Variants in NTRK3 observed in about 807,000 individuals in gnomAD.
NTRK3 encodes NT-3 growth factor receptor.
Under a neutral mutation model 91.7 loss-of-function variants are expected in NTRK3, and 24 were observed. The ratio of observed to expected loss-of-function variants is 0.26; its 90% CI spans 0.19 to 0.37. The LOEUF (loss-of-function observed/expected upper bound fraction) is 0.37, where lower values mean the gene tolerates loss of function less well. Among genes scored for constraint, NTRK3 ranks in the 10% least tolerant of loss-of-function variants. NTRK3 has a pLI of 1.00. For synonymous variants in NTRK3, 483 were observed against 404.0 expected, an observed-to-expected ratio of 1.20 and a Z score of -2.34; for missense variants, 880 against 1,068.9, an observed-to-expected ratio of 0.82 and a Z score of 2.46.
intron 14 of NTRK3, among the ~76,000 whole-genome samples, chr15:88,002,242 C>T (rs2076162210): frequency 7.1e-6 from 1 of 139,870 alleles, no homozygotes; most frequent in Admixed American, 7.4e-5. Context: ...TTTCTCAACT[C>T]CTCAAGCTAT....
chr15:87,999,263 T>C (rs1026807374), intron 14 of NTRK3, among the ~76,000 whole-genome samples: 1 of 152,212 alleles, frequency 6.6e-6, no homozygotes, highest in Admixed American at 6.5e-5. Flanking sequence ...ATGGAAAAGA[T>C]ATTCTTCCTC....
At chr15:88,139,856 C>T (rs927005171) in intron 6 of NTRK3, among the ~76,000 whole-genome samples, 3 of 131,460 alleles carry the variant, frequency 2.3e-5, no homozygotes, top group African/African-American at 8.6e-5. Context: ...AAGAGAGAAG[C>T]AGAGAGGAGC....
chr15:88,183,280 G>T (rs1326858027), intron 5 of NTRK3, 138 bp downstream of exon 5: 2 of 793,096 alleles, frequency 2.5e-6, no homozygotes, highest in Non-Finnish European at 2.2e-6. Context: ...AGGCAAAATT[G>T]GAAGCCCAAT....
intron 14 of NTRK3, among the ~76,000 whole-genome samples, chr15:87,957,778 C>G (rs923188602): frequency 1.3e-5 from 2 of 152,184 alleles, no homozygotes; most frequent in African/African-American, 4.8e-5. Context: ...TAAGCTTCTA[C>G]CAGTTCTTTG....
chr15:88,066,568 A>G (rs751253780), intron 13 of NTRK3, among the ~76,000 whole-genome samples: 1 of 152,190 alleles, frequency 6.6e-6, no homozygotes, highest in Non-Finnish European at 1.5e-5. Context: ...AAGTCCTCCC[A>G]GCAGCCTCCT....
intron 14 of NTRK3, among the ~76,000 whole-genome samples, chr15:88,026,342 G>A (rs1192770116): frequency 2.6e-5 from 4 of 151,898 alleles, no homozygotes; most frequent in East Asian, 3.9e-4. Context: ...AAAAGACATG[G>A]AGGACCTTAA....
chr15:88,227,796 C>T (rs563537269), intron 3 of NTRK3, among the ~76,000 whole-genome samples: 11 of 152,122 alleles, frequency 7.2e-5, no homozygotes, highest in African/African-American at 2.7e-4. Flanking sequence ...CCACTGAGGT[C>T]GCTGACCACT....
chr15:88,047,486 A>C (rs1053959730), intron 13 of NTRK3, among the ~76,000 whole-genome samples: 2 of 152,132 alleles, frequency 1.3e-5, no homozygotes, highest in African/African-American at 2.4e-5. Context: ...ATTATTTTGA[A>C]ATTTTGTGAC....
chr15:88,165,098 G>C (rs1462000592), intron 5 of NTRK3, among the ~76,000 whole-genome samples: 1 of 152,214 alleles, frequency 6.6e-6, no homozygotes, highest in East Asian at 1.9e-4. Flanking sequence ...GGAGGCCATA[G>C]AGACAATGCA....
At chr15:87,968,145 CAT>C (rs1567164159) in intron 14 of NTRK3, among the ~76,000 whole-genome samples, 1 of 152,166 alleles carries the variant, frequency 6.6e-6, no homozygotes, top group Non-Finnish European at 1.5e-5. Flanking sequence ...GGTTTCCAGA[CAT>C]GTGATGATGT....
rs1555430517 is a variant in NTRK3, at chr15:87,889,970, A to ATTTATTTAT, written c.2134-9551_2134-9543dup. On this transcript the variant is annotated intron_variant, in intron 17 of 18. Coordinates refer to ENST00000394480, the Ensembl canonical transcript of NTRK3. ...CATTTATTTATTTATTTATTTATTTATTTATTTATTTATTTATTGTTGATG... is the reference window on the plus strand; with the variant it reads ...CATTTATTTATTTATTTATTTATTTATTTATTTATTTTATTTATTTATTTATTGTTGATG... Among the ~76,000 whole-genome samples, 170 of 150,062 alleles carry ATTTATTTAT rather than the reference A, an allele frequency of 1.1e-3. 1 individual carries two copies. Among genetic ancestry groups the ATTTATTTAT allele is most frequent in the African/African-American group, 4.0e-3 (164 of 40,606 alleles).
chr15:88,139,414 T>C (rs568260355), intron 6 of NTRK3, among the ~76,000 whole-genome samples: 23 of 152,144 alleles, frequency 1.5e-4, no homozygotes, highest in Non-Finnish European at 2.9e-4. Flanking sequence ...ACCTAGGATA[T>C]TTTTGACAAC....
intron 14 of NTRK3, among the ~76,000 whole-genome samples, chr15:88,024,418 G>C (rs1487999913): frequency 2.6e-5 from 4 of 152,196 alleles, no homozygotes; most frequent in Admixed American, 2.0e-4. Flanking sequence ...GCCTAACAGA[G>C]AGTGCCTGGT....
intron 14 of NTRK3, among the ~76,000 whole-genome samples, chr15:87,971,250 T>A (rs1017760770): frequency 6.6e-6 from 1 of 152,142 alleles, no homozygotes; most frequent in Non-Finnish European, 1.5e-5. Context: ...CAGCTCTATA[T>A]CTGGCTCCCT....
intron 13 of NTRK3, among the ~76,000 whole-genome samples, chr15:88,059,467 C>T (rs1179310816): frequency 6.6e-6 from 1 of 152,174 alleles, no homozygotes; most frequent in Non-Finnish European, 1.5e-5. Flanking sequence ...AAACAAAATG[C>T]ACATTATTCC....
chr15:87,875,850 T>A (rs2064932402), exon 19 of NTRK3: 1 of 232,290 alleles, frequency 4.3e-6, no homozygotes. Context: ...GGAAGCAGGA[T>A]GAGAAACTGA....
intron 6 of NTRK3, among the ~76,000 whole-genome samples, chr15:88,142,171 T>C (rs2042445712): frequency 6.6e-6 from 1 of 152,088 alleles, no homozygotes; most frequent in African/African-American, 2.4e-5. Context: ...TAAATGATGC[T>C]GTCCATCCTG....
intron 15 of NTRK3, among the ~76,000 whole-genome samples, chr15:87,938,723 C>T (rs1445102026): frequency 6.6e-6 from 1 of 152,126 alleles, no homozygotes; most frequent in East Asian, 1.9e-4. Context: ...AGATGGATGC[C>T]GGAACACCCC....
At chr15:87,909,644 A>G (rs1260899905) in intron 17 of NTRK3, among the ~76,000 whole-genome samples, 1 of 152,200 alleles carries the variant, frequency 6.6e-6, no homozygotes, top group Non-Finnish European at 1.5e-5. Context: ...CCCCCAACAC[A>G]TGCTCATTAT....
Sources: allele counts gnomAD v4.1 joint callset (sites outside exome capture counted in the v4.1 genomes callset), GRCh38; gene constraint gnomAD v4.1.1; transcripts MANE v1.5; gene names NCBI Gene and HGNC (gene_info 2026-07-23, HGNC 2026-07-21).